The following COBL variants were observed in gnomAD, a reference collection of about 807,000 sequenced individuals.
COBL encodes the protein protein cordon-bleu.
In COBL, 51 loss-of-function variants were observed where a neutral mutation model predicts 98.8. That is an observed-to-expected ratio of 0.52 (90% CI 0.41 to 0.65). The LOEUF is 0.65. COBL is among the 30% of genes least tolerant of loss of function. The pLI is 0.00. For synonymous variants in COBL, 634 were observed against 651.7 expected (o/e 0.97, Z 0.41); for missense variants, 1,617 against 1,617.5 (o/e 1.00, Z 0.01).
In COBL at chr7:51,193,363, G is replaced by A. The variant is rs1790298661; in HGVS notation, c.456+16C>T. On this transcript the variant is annotated intron_variant, in intron 3 of 12. Transcript: ENST00000265136. ...CACATTCAGACACAGGTATTTCCAT[G>A]TAGGTACCTACTAACCTCAGGCACC... The A allele has an allele frequency of 2.5e-6, 4 of 1,608,370 alleles. No homozygotes were observed. The highest frequency in any genetic ancestry group is 3.4e-6 in the Non-Finnish European group (4 of 1,174,894).
At chr7:51,235,971 C>T (rs144552802) in intron 1 of COBL, among the ~76,000 whole-genome samples, 129 of 152,226 alleles carry the variant, frequency 8.5e-4, no homozygotes, top group African/African-American at 3.1e-3. Flanking sequence ...ATGAGAAAAA[C>T]TTAACAGAAA....
At chr7:51,232,995 A>G (rs1356773615) in intron 1 of COBL, among the ~76,000 whole-genome samples, 1 of 152,232 alleles carries the variant, frequency 6.6e-6, no homozygotes, top group Non-Finnish European at 1.5e-5. Flanking sequence ...AGTGATCAGG[A>G]GTAAATTTAA....
intron 1 of COBL, among the ~76,000 whole-genome samples, chr7:51,290,817 T>C (rs555591238): frequency 8.5e-5 from 13 of 152,262 alleles, no homozygotes; most frequent in African/African-American, 2.4e-4. Flanking sequence ...TGTGAACACC[T>C]TGACCTCAGG....
chr7:51,182,130 A>G (rs968653758), intron 5 of COBL, among the ~76,000 whole-genome samples: 2 of 152,178 alleles, frequency 1.3e-5, no homozygotes, highest in Admixed American at 6.6e-5. Context: ...GGAATGAGGA[A>G]TGGTGGATTT....
At chr7:51,142,945 C>T (rs940591361) in intron 5 of COBL, among the ~76,000 whole-genome samples, 1 of 152,030 alleles carries the variant, frequency 6.6e-6, no homozygotes, top group South Asian at 2.1e-4. Flanking sequence ...CACAGCAGAC[C>T]GCAGAAGCTC....
At chr7:51,207,846 C>T (rs1446689853) in intron 2 of COBL, among the ~76,000 whole-genome samples, 1 of 152,308 alleles carries the variant, frequency 6.6e-6, no homozygotes, top group Admixed American at 6.5e-5. Context: ...TCTGCCCGGC[C>T]ACCACCCCGT....
chr7:51,055,836 C>T (rs974060889), intron 7 of COBL, among the ~76,000 whole-genome samples: 1 of 152,098 alleles, frequency 6.6e-6, no homozygotes, highest in Non-Finnish European at 1.5e-5. Flanking sequence ...GAAACCTATT[C>T]CCTGCAATAG....
intron 1 of COBL, among the ~76,000 whole-genome samples, chr7:51,266,958 C>T (rs536349398): frequency 3.3e-5 from 5 of 152,216 alleles, no homozygotes; most frequent in South Asian, 2.1e-4. Flanking sequence ...TAATAACATA[C>T]GATTACAAAT....
In COBL at chr7:51,247,708, T is replaced by C. The variant is rs550118200; in HGVS notation, c.42-27764A>G. On this transcript the variant is annotated intron_variant, in intron 1 of 12. Transcript: ENST00000265136. ...AGGTCTGCATCACTCCAGCAAACAGTGGCCAGGCTGGTTCTTGCCATATTC... is the reference window on the plus strand; with the variant it reads ...AGGTCTGCATCACTCCAGCAAACAGCGGCCAGGCTGGTTCTTGCCATATTC... Among the ~76,000 whole-genome samples, 6 of 152,268 alleles carry C rather than the reference T, an allele frequency of 3.9e-5. No individual in the cohort carries two copies. The South Asian group carries it at 1.2e-3, about 32-fold the overall frequency.
intron 2 of COBL, among the ~76,000 whole-genome samples, chr7:51,198,444 T>C (rs1790797156): frequency 6.6e-6 from 1 of 152,212 alleles, no homozygotes; most frequent in Non-Finnish European, 1.5e-5. Flanking sequence ...TAACATTTTT[T>C]CTTTCATTTT....
chr7:51,111,665 C>T (rs1796837131), intron 6 of COBL, among the ~76,000 whole-genome samples: 1 of 151,438 alleles, frequency 6.6e-6, no homozygotes, highest in South Asian at 2.1e-4. Context: ...ACAGCTGCCT[C>T]TCCCCCGTGC....
At chr7:51,159,633 G>A (rs1469762578) in intron 5 of COBL, among the ~76,000 whole-genome samples, 2 of 152,126 alleles carry the variant, frequency 1.3e-5, no homozygotes, top group African/African-American at 4.8e-5. Flanking sequence ...TGAAAGGGAC[G>A]TTTTCTACCT....
chr7:51,235,958 G>A (rs527833866), intron 1 of COBL, among the ~76,000 whole-genome samples: 1 of 152,030 alleles, frequency 6.6e-6, no homozygotes, highest in East Asian at 1.9e-4. Flanking sequence ...CTTGGCTAAA[G>A]AAATGAGAAA....
intron 7 of COBL, among the ~76,000 whole-genome samples, chr7:51,073,652 C>G (rs1358872006): frequency 6.6e-6 from 1 of 152,126 alleles, no homozygotes; most frequent in African/African-American, 2.4e-5. Flanking sequence ...GTTGGTCTTT[C>G]AGGTTGCCAC....
rs1246929690 is a variant in COBL, at chr7:51,083,008, T to C, written c.1096+2158A>G. The C allele has an allele frequency of 4.0e-6, 6 of 1,513,626 alleles. No individual in the cohort carries two copies. In the African/African-American group the frequency reaches 6.9e-5, roughly 17 times the overall value. The allele number at this position is 1,513,626 out of a possible 1,614,324, so 93.8% of individuals were successfully genotyped here. On this transcript the variant is annotated intron_variant, in intron 7 of 12. Coordinates refer to ENST00000265136, the MANE Select transcript of COBL (RefSeq NM_015198.5). ...AAACCCAGCCCTGACATCGCAGTGC[T>C]CAGAGAGATGAACAGTTAACACAGT...
chr7:51,311,097 C>T (rs1584471826), intron 1 of COBL, among the ~76,000 whole-genome samples: 1 of 152,186 alleles, frequency 6.6e-6, no homozygotes, highest in East Asian at 1.9e-4. Flanking sequence ...TATTTGTGGT[C>T]TGGGAATCTG....
intron 1 of COBL, among the ~76,000 whole-genome samples, chr7:51,285,684 G>C (rs1421649137): frequency 6.6e-6 from 1 of 152,138 alleles, no homozygotes; most frequent in Non-Finnish European, 1.5e-5. Context: ...TTGATTTACA[G>C]ATTTAACAAA....
chr7:51,040,488 T>C (rs1212528136), intron 8 of COBL, among the ~76,000 whole-genome samples: 2 of 152,240 alleles, frequency 1.3e-5, no homozygotes, highest in East Asian at 3.8e-4. Context: ...GCAGTAGTTC[T>C]GACAATGGGT....
At chr7:51,044,151 T>C (rs1325090127) in intron 7 of COBL, among the ~76,000 whole-genome samples, 1 of 152,236 alleles carries the variant, frequency 6.6e-6, no homozygotes, top group East Asian at 1.9e-4. Flanking sequence ...GTATTTCATA[T>C]TTGAAATCTG....
Sources: allele counts gnomAD v4.1 joint callset (sites outside exome capture counted in the v4.1 genomes callset), GRCh38; gene constraint gnomAD v4.1.1; transcripts MANE v1.5; gene names NCBI Gene and HGNC (gene_info 2026-07-23, HGNC 2026-07-21).